ITIH4: variants seen among roughly 807,000 people sequenced by gnomAD.
ITIH4 encodes inter-alpha-trypsin inhibitor heavy chain H4.
A neutral mutation model predicts 111.8 loss-of-function variants in ITIH4; 79 were observed. That is an observed-to-expected ratio of 0.71 (90% CI 0.59 to 0.85). The LOEUF is 0.85. Among genes scored for constraint, ITIH4 ranks in the 40% least tolerant of loss-of-function variants. The pLI, the probability that ITIH4 is intolerant of heterozygous loss-of-function variation, is 0.00. For synonymous variants in ITIH4, 472 were observed against 468.3 expected (o/e 1.01, Z -0.10); for missense variants, 1,065 against 1,195.8 (o/e 0.89, Z 1.61).
intron 23 of ITIH4, among the ~76,000 whole-genome samples, 183 bp from the exon 24 acceptor site, chr3:52,813,673 C>T (rs1451360946): frequency 6.6e-6 from 1 of 152,188 alleles, no homozygotes; most frequent in African/African-American, 2.4e-5. Flanking sequence ...GAAGCCAGTA[C>T]GTGAGGTCTC....
chr3:52,818,864 G>C, intron 17 of ITIH4: 3 of 369,026 alleles, frequency 8.1e-6, no homozygotes, highest in Non-Finnish European at 1.5e-5. Context: ...CCTACTCAGT[G>C]AAAGTAAAGG....
chr3:52,818,408 C>G, intron 18 of ITIH4, 54 bp downstream of exon 18: 3 of 1,576,136 alleles, frequency 1.9e-6, no homozygotes, highest in Non-Finnish European at 2.6e-6. Context: ...TGTGACAGGT[C>G]ACTCCCCTCC....
chr3:52,813,131 T>C lies in ITIH4; in HGVS notation c.*290A>G. On this transcript the variant is annotated 3_prime_UTR_variant, in exon 24 of 24. Transcript: ENST00000266041. ...GAGCTCAGTTTCCTTGTTTGTAAAATGAAGGGGCTGGACTGAAAGCTCAGC... is the reference window on the plus strand; with the variant it reads ...GAGCTCAGTTTCCTTGTTTGTAAAACGAAGGGGCTGGACTGAAAGCTCAGC... 1 of 361,084 alleles carries C rather than the reference T, an allele frequency of 2.8e-6. No homozygotes were observed. The highest frequency in any genetic ancestry group is 5.0e-6 in the Non-Finnish European group (1 of 200,248). 22.4% of individuals were successfully genotyped at this position (361,084 alleles called of 1,614,324 possible). A position where few individuals can be genotyped will look rare whatever the true frequency, so the allele number is the denominator to read the frequency against.
Position 52,823,642 on chromosome 3 carries a change from G to A in ITIH4, c.1453C>T (p.Leu485Phe). 6 of 1,614,202 alleles carry A rather than the reference G, an allele frequency of 3.7e-6. No homozygotes were observed. Among genetic ancestry groups the A allele is most frequent in the Non-Finnish European group, 5.1e-6 (6 of 1,180,030 alleles). The change falls in exon 11 of 24, where the codon CTC (leucine) becomes TTC (phenylalanine). Residue 485 changes from leucine to phenylalanine, a missense_variant. Leu to Phe is a conservative substitution (Grantham distance 22). Transcript: ENST00000266041. ...ACCACCATCTCTGAGCCCTTGAAGAGGAGCCGGAAGTTGTTCTGAGTGACC... is the reference window on the plus strand; with the variant it reads ...ACCACCATCTCTGAGCCCTTGAAGAAGAGCCGGAAGTTGTTCTGAGTGACC... ...EEVTQNNFRL[L>F]FKGSEMVVAG...
At chr3:52,815,472 C>A (rs1484475627) in intron 21 of ITIH4, among the ~76,000 whole-genome samples, 1 of 151,246 alleles carries the variant, frequency 6.6e-6, no homozygotes, top group Non-Finnish European at 1.5e-5. Context: ...CAATTCCTGA[C>A]CTTAGGTGAT....
chr3:52,818,869 T>C, intron 17 of ITIH4: 1 of 358,364 alleles, frequency 2.8e-6, no homozygotes, highest in South Asian at 3.5e-5. Context: ...TCAGTGAAAG[T>C]AAAGGACAGG....
At chr3:52,829,903 C>G (rs1297490855) in intron 1 of ITIH4, 1 of 193,486 alleles carries the variant, frequency 5.2e-6, no homozygotes, top group African/African-American at 2.4e-5. Flanking sequence ...GCAGGGCACT[C>G]CCCTAGCAGG....
At position 52,826,839 on chromosome 3, in the gene ITIH4, G is replaced by C. The variant is rs369152514; in HGVS notation, c.471C>G (p.Tyr157Ter). 1 of 1,613,860 alleles carries C rather than the reference G, an allele frequency of 6.2e-7. No individual in the cohort carries two copies. Among genetic ancestry groups the C allele is most frequent in the Non-Finnish European group, 8.5e-7 (1 of 1,180,018 alleles). The change falls in exon 4 of 24, where the codon TAC (tyrosine) becomes TAG (stop). Residue 157 changes from tyrosine to a stop codon, truncating the protein, a stop_gained. Coordinates refer to ENST00000266041, the MANE Select transcript of ITIH4 (RefSeq NM_002218.5). LOFTEE classifies it high-confidence loss of function. Reference sequence around the variant, plus strand: ...GGGGCCGCACTTTCAGCAGCAGCTCGTACACCCCCAAACGCCGCTTGAGCA... The same window carrying C: ...GGGGCCGCACTTTCAGCAGCAGCTCCTACACCCCCAAACGCCGCTTGAGCA... ...EELLKRRLGV[Y>*]ELLLKVRPQQ...
intron 4 of ITIH4, 48 bp from the exon 5 acceptor site, chr3:52,826,699 G>T (rs1700483933): frequency 1.2e-6 from 2 of 1,610,580 alleles, no homozygotes; most frequent in Non-Finnish European, 1.7e-6. Flanking sequence ...CCTGGGCTGG[G>T]GCTCACAGGA....
chr3:52,812,970 A>T lies in ITIH4; in HGVS notation c.*451T>A, dbSNP rs1182750040. 5 of 132,844 alleles carry T rather than the reference A, an allele frequency of 3.8e-5. No homozygotes were observed. Among genetic ancestry groups the T allele is most frequent in the East Asian group, 2.2e-4 (1 of 4,542 alleles). The allele number at this position is 132,844 out of a possible 1,614,324, so 8.2% of individuals were successfully genotyped here. A position where few individuals can be genotyped will look rare whatever the true frequency, so the allele number is the denominator to read the frequency against. ...AAAGAATTCCAACCCAGTTCACTCT[A>T]TTTTTTTTTTTTTTTTTTTTGTAGT... On this transcript the variant is annotated 3_prime_UTR_variant, in exon 24 of 24. Coordinates refer to ENST00000266041, the MANE Select transcript of ITIH4 (RefSeq NM_002218.5).
intron 17 of ITIH4, chr3:52,818,966 G>A: frequency 3.5e-6 from 1 of 287,208 alleles, no homozygotes; most frequent in South Asian, 4.3e-5. Flanking sequence ...AGCTGGCAAG[G>A]ACTGCTCCAA....
Position 52,826,926 on chromosome 3 carries a change from G to T in ITIH4, c.384C>A (p.Phe128Leu). The T allele has an allele frequency of 6.2e-7, 1 of 1,614,126 alleles. No individual in the cohort carries two copies. The change falls in exon 4 of 24, where the codon TTC becomes TTA. Residue 128 changes from phenylalanine to leucine, a missense_variant. By Grantham distance (22) the Phe-to-Leu change is conservative (BLOSUM62 0). Transcript: ENST00000266041. ...VKATGRNMEQFQVSVSVAPNA... is the reference protein window; with the variant it reads ...VKATGRNMEQLQVSVSVAPNA... ...TGGGAGCCACACTGACCGACACCTG[G>T]AACTGCTCCATGTTTCTCCCGGTGG... is the stretch of plus-strand genomic sequence containing the variant.
Position 52,818,241 on chromosome 3 carries a change from G to A in ITIH4, c.2179+16C>T, listed in dbSNP as rs988159850. 1 of 1,585,394 alleles carries A rather than the reference G, an allele frequency of 6.3e-7. No individual in the cohort carries two copies. On this transcript the variant is annotated intron_variant, in intron 19 of 23. Coordinates refer to ENST00000266041, the MANE Select transcript of ITIH4 (RefSeq NM_002218.5). ...GGCAAGGATGTGGAAAGGGGCCAAG[G>A]GGGCTGGGAACTTACCTGGGGTTTG...
chr3:52,824,049 C>T lies in ITIH4; in HGVS notation c.1172-45G>A, dbSNP rs1559481103. The T allele has an allele frequency of 6.5e-7, 1 of 1,544,066 alleles. No homozygotes were observed. Among genetic ancestry groups the T allele is most frequent in the Non-Finnish European group, 8.7e-7 (1 of 1,144,232 alleles). ...ATGAGGGTGAGAAAATAGTGATTTG[C>T]TTGAAGAATATTTCTGGAACCTCAG... is the stretch of plus-strand genomic sequence containing the variant. On this transcript the variant is annotated intron_variant, in intron 9 of 23. Coordinates refer to ENST00000266041, the MANE Select transcript of ITIH4 (RefSeq NM_002218.5). This position sits in a 1 kb window ranked among gnomAD's most constrained non-coding sequence, Gnocchi z 4.3.
chr3:52,813,299 C>T lies in ITIH4; in HGVS notation c.*122G>A, dbSNP rs1700222432. ...ACACCCACTTCCCAGGCTCACACCACCTTTCTTTATTTGTAATGAGTGGGA... is the reference window on the plus strand; with the variant it reads ...ACACCCACTTCCCAGGCTCACACCATCTTTCTTTATTTGTAATGAGTGGGA... On this transcript the variant is annotated 3_prime_UTR_variant, in exon 24 of 24. Transcript: ENST00000266041. 1 of 903,506 alleles carries T rather than the reference C, an allele frequency of 1.1e-6. No individual in the cohort carries two copies. Among genetic ancestry groups the T allele is most frequent in the East Asian group, 2.4e-5 (1 of 41,368 alleles). 56.0% of individuals were successfully genotyped at this position (903,506 alleles called of 1,614,324 possible). A position where few individuals can be genotyped will look rare whatever the true frequency, so the allele number is the denominator to read the frequency against.
intron 17 of ITIH4, chr3:52,819,008 C>A: frequency 3.4e-6 from 1 of 298,046 alleles, no homozygotes; most frequent in Non-Finnish European, 6.4e-6. Flanking sequence ...TTGGCCAGTC[C>A]GTGCCCCTCT....
rs777054584 is a variant in ITIH4 at position 52,826,032 on chromosome 3, G to A, written c.631-18C>T. ...ATGTGAGCCTGGAGGAATAATCCGGGCTGAAGTTGGGAGGAACAGCAAAGC... is the reference window on the plus strand; with the variant it reads ...ATGTGAGCCTGGAGGAATAATCCGGACTGAAGTTGGGAGGAACAGCAAAGC... On this transcript the variant is annotated intron_variant, in intron 5 of 23. Coordinates refer to ENST00000266041, the MANE Select transcript of ITIH4 (RefSeq NM_002218.5). 15 of 1,613,670 alleles carry A rather than the reference G, an allele frequency of 9.3e-6. No individual in the cohort carries two copies. The Admixed American group carries it at 2.3e-4, about 25-fold the overall frequency.
chr3:52,815,245 T>C (rs1381672910), intron 21 of ITIH4, among the ~76,000 whole-genome samples: 2 of 145,648 alleles, frequency 1.4e-5, no homozygotes, highest in African/African-American at 5.5e-5. Context: ...TTTTCTTTTT[T>C]CTTTTTTTTT....
intron 21 of ITIH4, among the ~76,000 whole-genome samples, chr3:52,815,185 T>C (rs931247150): frequency 6.6e-6 from 1 of 152,184 alleles, no homozygotes; most frequent in South Asian, 2.1e-4. Context: ...AAATTTTCCC[T>C]AAACATACAC....
Sources: gnomAD v4.1 joint callset for allele counts (sites outside exome capture counted in the v4.1 genomes callset) on GRCh38, gnomAD v4.1.1 for gene constraint, Gnocchi (gnomAD v3.1) non-coding constraint, MANE v1.5 for transcripts, NCBI Gene and HGNC (gene_info 2026-07-23, HGNC 2026-07-21) for gene names.